Variants in PDE11A observed in about 807,000 individuals in gnomAD.
The protein encoded by PDE11A is phosphodiesterase 11A.
PDE11A carries 100 observed loss-of-function variants against 100.5 expected under a neutral mutation model. The ratio of observed to expected loss-of-function variants is 1.00; its 90% CI spans 0.85 to 1.18. PDE11A has a LOEUF of 1.18. PDE11A is among the 50% of genes most tolerant of loss of function. The pLI, the probability that PDE11A is intolerant of heterozygous loss-of-function variation, is 0.00. For missense variants in PDE11A, 1,141 were observed against 1,152.6 expected (o/e 0.99, Z 0.15); for synonymous variants, 381 against 420.8 (o/e 0.91, Z 1.16).
intron 9 of PDE11A, among the ~76,000 whole-genome samples, chr2:177,814,505 G>A (rs778657422): frequency 6.6e-6 from 1 of 152,140 alleles, no homozygotes; most frequent in Non-Finnish European, 1.5e-5. Flanking sequence ...GGAGTTGGCT[G>A]AGAGTGGAAG....
chr2:178,083,005 T>C (rs1160917186), intron 2 of PDE11A, among the ~76,000 whole-genome samples: 1 of 152,166 alleles, frequency 6.6e-6, no homozygotes, highest in Non-Finnish European at 1.5e-5. Flanking sequence ...CAGTCAGTTG[T>C]AGGCCTTAGA....
chr2:177,852,596 A>G (rs1046106835), intron 5 of PDE11A, among the ~76,000 whole-genome samples: 2 of 152,166 alleles, frequency 1.3e-5, no homozygotes, highest in African/African-American at 4.8e-5. Flanking sequence ...AACTAAGTAA[A>G]TACCAGTGGG....
At chr2:178,055,462 C>T (rs1330770901) in intron 1 of PDE11A, among the ~76,000 whole-genome samples, 1 of 151,804 alleles carries the variant, frequency 6.6e-6, no homozygotes, top group African/African-American at 2.4e-5. Context: ...CAAACCTGCA[C>T]GTTGTGCACA....
chr2:177,792,231 C>T (rs1368282827), intron 9 of PDE11A, among the ~76,000 whole-genome samples: 2 of 152,066 alleles, frequency 1.3e-5, no homozygotes, highest in Non-Finnish European at 2.9e-5. Flanking sequence ...TGCTTATTTG[C>T]TTTTCTCATT....
intron 1 of PDE11A, among the ~76,000 whole-genome samples, chr2:178,069,138 C>T (rs1018178646): frequency 1.3e-5 from 2 of 152,124 alleles, no homozygotes; most frequent in African/African-American, 2.4e-5. Context: ...GTAACCATTT[C>T]CTGGGTAATT....
chr2:177,971,324 G>T (rs2105797245), intron 2 of PDE11A, among the ~76,000 whole-genome samples: 1 of 152,254 alleles, frequency 6.6e-6, no homozygotes, highest in South Asian at 2.1e-4. Flanking sequence ...TGCCCATGAA[G>T]TAGGAAGGAG....
intron 6 of PDE11A, among the ~76,000 whole-genome samples, chr2:177,834,699 C>G (rs1342900604): frequency 6.6e-6 from 1 of 152,206 alleles, no homozygotes. Context: ...GTTTCTCTCC[C>G]TGATGAAGAA....
At chr2:178,036,994 AT>A (rs1483373486) in intron 1 of PDE11A, among the ~76,000 whole-genome samples, 1 of 152,226 alleles carries the variant, frequency 6.6e-6, no homozygotes, top group Non-Finnish European at 1.5e-5. Context: ...ACCAAAAGCA[AT>A]TGCAACAAAA....
At chr2:177,931,473 A>G (rs2085205291) in intron 2 of PDE11A, among the ~76,000 whole-genome samples, 1 of 152,228 alleles carries the variant, frequency 6.6e-6, no homozygotes, top group African/African-American at 2.4e-5. Flanking sequence ...GTGGAATAAA[A>G]ATAGAAATCA....
chr2:177,626,278 A>G lies in PDE11A; in HGVS notation c.*3129T>C, dbSNP rs1559113724. On this transcript the variant is annotated 3_prime_UTR_variant, in exon 20 of 20. Transcript: ENST00000286063. ...GCAGTCTCTGTCAGACCCTGGGTCC[A>G]GTTTTGTCATAAAGCACATGCTTTA... The G allele has an allele frequency of 6.6e-6, 1 of 152,590 alleles. No homozygotes were observed. Among genetic ancestry groups the G allele is most frequent in the East Asian group, 1.9e-4 (1 of 5,208 alleles). The allele number at this position is 152,590 out of a possible 1,614,324, so 9.5% of individuals were successfully genotyped here.
chr2:177,923,672 A>G (rs1486893111), intron 2 of PDE11A, among the ~76,000 whole-genome samples: 1 of 152,210 alleles, frequency 6.6e-6, no homozygotes, highest in Non-Finnish European at 1.5e-5. Context: ...TCCAGAGGAA[A>G]ATCAAATCCT....
At chr2:177,893,585 C>T (rs898789583) in intron 4 of PDE11A, among the ~76,000 whole-genome samples, 4 of 152,168 alleles carry the variant, frequency 2.6e-5, no homozygotes, top group Non-Finnish European at 4.4e-5. Flanking sequence ...CCCTTAACCC[C>T]TTGATATCAA....
chr2:177,796,470 A>G (rs1250860879), intron 9 of PDE11A, among the ~76,000 whole-genome samples: 1 of 152,098 alleles, frequency 6.6e-6, no homozygotes, highest in African/African-American at 2.4e-5. Context: ...TGTGGGGTTG[A>G]CCAAGTTTGA....
At chr2:178,023,339 G>A (rs1300794355) in intron 1 of PDE11A, among the ~76,000 whole-genome samples, 4 of 152,146 alleles carry the variant, frequency 2.6e-5, no homozygotes, top group South Asian at 2.1e-4. Context: ...TTAGAGGTAC[G>A]AAAGAAGCCT....
At chr2:178,006,862 T>C (rs1384797920) in intron 2 of PDE11A, among the ~76,000 whole-genome samples, 2 of 152,052 alleles carry the variant, frequency 1.3e-5, no homozygotes, top group Non-Finnish European at 2.9e-5. Flanking sequence ...ACCAAAGATG[T>C]TGAATTCCAA....
intron 2 of PDE11A, among the ~76,000 whole-genome samples, chr2:178,078,095 ATC>A (rs1452366978): frequency 6.6e-5 from 10 of 151,728 alleles, no homozygotes; most frequent in Non-Finnish European, 1.3e-4. Flanking sequence ...TTTATTTTCC[ATC>A]TCTCTTCTCA....
intron 2 of PDE11A, among the ~76,000 whole-genome samples, chr2:177,941,837 A>C (rs1272529194): frequency 6.6e-6 from 1 of 152,228 alleles, no homozygotes; most frequent in East Asian, 1.9e-4. Context: ...CCTGTGGCAG[A>C]AGCCCTGGAT....
intron 12 of PDE11A, among the ~76,000 whole-genome samples, chr2:177,726,215 C>A (rs2081597468): frequency 6.6e-6 from 1 of 152,104 alleles, no homozygotes; most frequent in Admixed American, 6.6e-5. Context: ...GTCCAGTTTT[C>A]CCAGGCCAGT....
At chr2:177,664,019 C>T in intron 18 of PDE11A, 70 bp from the exon 19 acceptor site, 1 of 923,824 alleles carries the variant, frequency 1.1e-6, no homozygotes, top group Non-Finnish European at 1.8e-6. Flanking sequence ...TTGTCAAACA[C>T]TTTGCTAGAA....
Sources: allele counts gnomAD v4.1 joint callset (sites outside exome capture counted in the v4.1 genomes callset), GRCh38; gene constraint gnomAD v4.1.1; transcripts MANE v1.5; gene names NCBI Gene and HGNC (gene_info 2026-07-23, HGNC 2026-07-21).